Variants in NIBAN1 observed in about 807,000 individuals in gnomAD.
The protein encoded by NIBAN1 is protein Niban 1.
Under a neutral mutation model 75.1 loss-of-function variants are expected in NIBAN1, and 81 were observed. The ratio of observed to expected loss-of-function variants is 1.08; its 90% CI spans 0.90 to 1.30. NIBAN1 has a LOEUF of 1.30. NIBAN1 is among the 50% of genes most tolerant of loss of function. NIBAN1 has a pLI of 0.00. For missense variants in NIBAN1, 1,133 were observed against 1,128.1 expected (o/e 1.00, Z -0.06); for synonymous variants, 436 against 424.8 (o/e 1.03, Z -0.32).
At chr1:184,879,485 T>C (rs181126288) in intron 5 of NIBAN1, among the ~76,000 whole-genome samples, 113 of 152,024 alleles carry the variant, frequency 7.4e-4, no homozygotes, top group African/African-American at 2.6e-3. Flanking sequence ...CCACACTAGA[T>C]GCATAGTCTC....
chr1:184,947,810 C>T (rs1337035085), intron 1 of NIBAN1, among the ~76,000 whole-genome samples: 1 of 152,164 alleles, frequency 6.6e-6, no homozygotes, highest in East Asian at 1.9e-4. Context: ...AAATAACTGT[C>T]CAAATATGAA....
At chr1:184,882,558 T>C (rs1656403714) in intron 5 of NIBAN1, among the ~76,000 whole-genome samples, 1 of 152,204 alleles carries the variant, frequency 6.6e-6, no homozygotes, top group Admixed American at 6.5e-5. Flanking sequence ...GAAATATGAC[T>C]AGACCTCATT....
chr1:184,858,853 A>G (rs1027327423), intron 5 of NIBAN1, among the ~76,000 whole-genome samples: 3 of 152,206 alleles, frequency 2.0e-5, no homozygotes, highest in African/African-American at 7.2e-5. Context: ...CTGCTAATAA[A>G]GGAGTTAAAA....
At chr1:184,919,019 C>A (rs532683479) in intron 1 of NIBAN1, among the ~76,000 whole-genome samples, 3 of 152,296 alleles carry the variant, frequency 2.0e-5, no homozygotes, top group Non-Finnish European at 2.9e-5. Flanking sequence ...CTCTAAAATT[C>A]TTTAGAAAAC....
At chr1:184,887,851 T>C (rs1004364904) in intron 4 of NIBAN1, 2 of 152,212 alleles carry the variant, frequency 1.3e-5, no homozygotes, top group Non-Finnish European at 2.9e-5. Flanking sequence ...TTTTTCTGTA[T>C]CAACTTAGCT....
At chr1:184,861,705 G>A (rs79414589) in intron 5 of NIBAN1, among the ~76,000 whole-genome samples, 2,420 of 141,696 alleles carry the variant, frequency 0.017, 61 homozygotes, top group African/African-American at 0.061. Flanking sequence ...AGGAAAGAAG[G>A]AAGGAAGGGG....
At chr1:184,904,189 C>T (rs1012097046) in intron 1 of NIBAN1, among the ~76,000 whole-genome samples, 1 of 152,098 alleles carries the variant, frequency 6.6e-6, no homozygotes. Flanking sequence ...GATCACTGCA[C>T]CCAGCCAATT....
intron 3 of NIBAN1, among the ~76,000 whole-genome samples, chr1:184,890,814 G>A (rs922429234): frequency 2.0e-5 from 3 of 152,208 alleles, no homozygotes; most frequent in African/African-American, 4.8e-5. Flanking sequence ...AACAAATGCT[G>A]GCCAGCAGAC....
rs1385529166 is a variant in NIBAN1, at chr1:184,942,618, CGGG to C, written c.55+31681_55+31683del. ...CTGAGGCAGGAGAATGGCGTGAACC[CGGG>C]AGGCGGAGCTTGCACTGAGCCCAGA... On this transcript the variant is annotated intron_variant, in intron 1 of 13. Coordinates refer to ENST00000367511, the MANE Select transcript of NIBAN1 (RefSeq NM_052966.4). 3.7e-4 allele frequency among the ~76,000 whole-genome samples: 55 copies of C among 148,246 alleles called. 1 individual carries two copies. The Admixed American group carries it at 3.8e-3, about 10-fold the overall frequency.
At chr1:184,832,438 G>A (rs77643344) in intron 5 of NIBAN1, among the ~76,000 whole-genome samples, 9,391 of 152,226 alleles carry the variant, frequency 0.062, 948 homozygotes, top group African/African-American at 0.21. Flanking sequence ...TTATGCAAAT[G>A]AAGATAATAA....
chr1:184,958,402 A>ACACAC (rs1557930915), intron 1 of NIBAN1, among the ~76,000 whole-genome samples: 2 of 149,464 alleles, frequency 1.3e-5, no homozygotes, highest in Admixed American at 6.7e-5. Context: ...ACACACACAC[A>ACACAC]AATAGCCAAA....
chr1:184,909,811 G>GA (rs1657194192), intron 1 of NIBAN1, among the ~76,000 whole-genome samples: 1 of 152,128 alleles, frequency 6.6e-6, no homozygotes, highest in African/African-American at 2.4e-5. Flanking sequence ...TAGAACAGTT[G>GA]AAAATATAGC....
chr1:184,809,603 G>A lies in NIBAN1; in HGVS notation c.1174-1368C>T, dbSNP rs181100108. Among the ~76,000 whole-genome samples, 488 of 150,502 alleles carry A rather than the reference G, an allele frequency of 3.2e-3. 1 individual carries two copies. The highest frequency in any genetic ancestry group is 4.7e-3 in the Non-Finnish European group (318 of 67,804). ...GAAATAAATACATCAGGGTATATGT[G>A]TGTGTATATATATATATACACATAT... On this transcript the variant is annotated intron_variant, in intron 9 of 13. Transcript: ENST00000367511.
chr1:184,851,629 A>T (rs1342499760), intron 5 of NIBAN1, among the ~76,000 whole-genome samples: 1 of 117,482 alleles, frequency 8.5e-6, no homozygotes, highest in Non-Finnish European at 1.8e-5. Flanking sequence ...AGAGTATAAT[A>T]AAAAAAAAAA....
intron 1 of NIBAN1, among the ~76,000 whole-genome samples, chr1:184,921,403 A>C (rs1657552048): frequency 6.6e-6 from 1 of 152,248 alleles, no homozygotes. Context: ...GCGATCACAA[A>C]AAAGTAAAAG....
intron 5 of NIBAN1, among the ~76,000 whole-genome samples, chr1:184,858,846 C>T (rs1389134352): frequency 6.6e-6 from 1 of 151,776 alleles, no homozygotes; most frequent in African/African-American, 2.4e-5. Context: ...TATATAGCTG[C>T]TAATAAAGGA....
In NIBAN1 at chr1:184,930,851, A is replaced by C. The variant is rs923923291; in HGVS notation, c.56-31542T>G. ...ATGGTTTTATGACACATTAGTGTAC[A>C]TCATAAAACCAGAGCCATAAAGGGA... On this transcript the variant is annotated intron_variant, in intron 1 of 13. Transcript: ENST00000367511. 2.0e-5 allele frequency among the ~76,000 whole-genome samples: 3 copies of C among 152,198 alleles called. No homozygotes were observed. In the East Asian group the frequency reaches 5.8e-4, roughly 29 times the overall value.
At chr1:184,854,719 G>T (rs1018107825) in intron 5 of NIBAN1, among the ~76,000 whole-genome samples, 8 of 152,148 alleles carry the variant, frequency 5.3e-5, no homozygotes, top group Admixed American at 1.3e-4. Context: ...GTAACAGATT[G>T]TTCACCCTGC....
At chr1:184,957,174 T>C (rs1356337991) in intron 1 of NIBAN1, among the ~76,000 whole-genome samples, 1 of 152,226 alleles carries the variant, frequency 6.6e-6, no homozygotes, top group Non-Finnish European at 1.5e-5. Context: ...TGCCAGCCAG[T>C]GTGAGCTGGC....
Sources: gnomAD v4.1 joint callset for allele counts (sites outside exome capture counted in the v4.1 genomes callset) on GRCh38, gnomAD v4.1.1 for gene constraint, MANE v1.5 for transcripts, NCBI Gene and HGNC (gene_info 2026-07-23, HGNC 2026-07-21) for gene names.